C7orf78: variants seen among roughly 807,000 people sequenced by gnomAD.
The protein encoded by C7orf78 is chromosome 7 open reading frame 78, also known as putative uncharacterized protein C7orf78.
chr7:12,536,795 A>C, the C7orf78 span, among the ~76,000 whole-genome samples: 1 of 152,126 alleles, frequency 6.6e-6, no homozygotes, highest in Non-Finnish European at 1.5e-5. Context: ...AAGTTCCACA[A>C]GTCTCTAGGC....
chr7:12,528,142 A>G, the C7orf78 span, among the ~76,000 whole-genome samples: 31 of 142,064 alleles, frequency 2.2e-4, no homozygotes, highest in African/African-American at 7.8e-4. Context: ...AGTATATGCT[A>G]TGTGTCACTC....
the C7orf78 span, among the ~76,000 whole-genome samples, chr7:12,527,275 T>A: frequency 2.6e-5 from 3 of 113,986 alleles, no homozygotes; most frequent in Non-Finnish European, 3.5e-5. Flanking sequence ...GTATATGCTA[T>A]GTGTCACTCA....
chr7:12,498,261 A>C, the C7orf78 span, among the ~76,000 whole-genome samples: 1 of 152,108 alleles, frequency 6.6e-6, no homozygotes, highest in Non-Finnish European at 1.5e-5. Flanking sequence ...TGAGAGAAGA[A>C]GGCTTCGGAC....
chr7:12,523,272 C>G, the C7orf78 span: 2 of 398,314 alleles, frequency 5.0e-6, no homozygotes. Flanking sequence ...CTTCACTTGC[C>G]CAGCATAAGG....
the C7orf78 span, among the ~76,000 whole-genome samples, chr7:12,540,464 CAATT>C: frequency 1.3e-5 from 2 of 152,168 alleles, no homozygotes; most frequent in African/African-American, 4.8e-5. Flanking sequence ...TAACCTCACT[CAATT>C]GTCTTCAGAC....
chr7:12,495,488 C>G, the C7orf78 span, among the ~76,000 whole-genome samples: 1 of 152,104 alleles, frequency 6.6e-6, no homozygotes, highest in East Asian at 1.9e-4. Context: ...TTTTACTATC[C>G]TCTCACCTTT....
At chr7:12,531,173 A>C in the C7orf78 span, 4 of 397,050 alleles carry the variant, frequency 1.0e-5, no homozygotes, top group African/African-American at 4.1e-5. Context: ...TTTTAAATAA[A>C]ACATATTTTA....
the C7orf78 span, among the ~76,000 whole-genome samples, chr7:12,499,214 G>C: frequency 2.0e-5 from 3 of 151,968 alleles, no homozygotes; most frequent in Non-Finnish European, 4.4e-5. Context: ...ATAATGACAG[G>C]ATCAAATTCA....
the C7orf78 span, chr7:12,492,003 G>A: frequency 1.3e-5 from 2 of 152,104 alleles, no homozygotes; most frequent in African/African-American, 4.8e-5. Context: ...AAGAAACTAT[G>A]AAGAAGAAGA....
chr7:12,487,294 T>C, the C7orf78 span, among the ~76,000 whole-genome samples: 1 of 152,064 alleles, frequency 6.6e-6, no homozygotes, highest in Non-Finnish European at 1.5e-5. Context: ...AGGGATTAAA[T>C]TTTACAAGTC....
At chr7:12,525,453 A>G in the C7orf78 span, among the ~76,000 whole-genome samples, 1 of 152,132 alleles carries the variant, frequency 6.6e-6, no homozygotes, top group Admixed American at 6.6e-5. Flanking sequence ...ATAAATTACA[A>G]TCAAGTTTAA....
chr7:12,529,669 A>G, the C7orf78 span, among the ~76,000 whole-genome samples: 1 of 152,210 alleles, frequency 6.6e-6, no homozygotes, highest in East Asian at 1.9e-4. Flanking sequence ...TCACCTGGAA[A>G]TGCAGGACAT....
chr7:12,529,475 T>C, the C7orf78 span, among the ~76,000 whole-genome samples: 1 of 152,236 alleles, frequency 6.6e-6, no homozygotes, highest in African/African-American at 2.4e-5. Flanking sequence ...AGCCAAACTC[T>C]GTAAAATATT....
the C7orf78 span, among the ~76,000 whole-genome samples, chr7:12,532,045 C>T: frequency 6.6e-6 from 1 of 152,132 alleles, no homozygotes; most frequent in African/African-American, 2.4e-5. Context: ...CTCCACTGAC[C>T]AGTGCCATCT....
At chr7:12,527,207 C>T in the C7orf78 span, among the ~76,000 whole-genome samples, 4 of 108,906 alleles carry the variant, frequency 3.7e-5, no homozygotes, top group Admixed American at 8.7e-5. Flanking sequence ...GTGTCACTCA[C>T]TATGGTAGAA....
At chr7:12,498,628 C>T in the C7orf78 span, among the ~76,000 whole-genome samples, 2 of 152,022 alleles carry the variant, frequency 1.3e-5, no homozygotes, top group African/African-American at 4.8e-5. Context: ...TGAAAGTGAC[C>T]AGGAGAATGG....
At chr7:12,538,821 T>G in the C7orf78 span, among the ~76,000 whole-genome samples, 1 of 152,254 alleles carries the variant, frequency 6.6e-6, no homozygotes, top group East Asian at 1.9e-4. Context: ...CCACCCATTT[T>G]TACATTTCTA....
the C7orf78 span, among the ~76,000 whole-genome samples, chr7:12,516,876 A>T: frequency 6.6e-6 from 1 of 152,184 alleles, no homozygotes; most frequent in Admixed American, 6.5e-5. Flanking sequence ...TCAAGGAAGT[A>T]ACTAGCTTGC....
chr7:12,541,389 A>G, the C7orf78 span: 1 of 152,188 alleles, frequency 6.6e-6, no homozygotes, highest in Non-Finnish European at 1.5e-5. Flanking sequence ...CTACTAAAGG[A>G]TGACTGTTAT....
Sources: allele counts gnomAD v4.1 joint callset (sites outside exome capture counted in the v4.1 genomes callset), GRCh38; gene constraint gnomAD v4.1.1; transcripts MANE v1.5; gene names NCBI Gene and HGNC (gene_info 2026-07-23, HGNC 2026-07-21).